The following YLPM1 variants were observed in gnomAD, a reference collection of about 807,000 sequenced individuals.
YLPM1 encodes the protein YLP motif-containing protein 1.
YLPM1 carries 99 observed loss-of-function variants against 230.0 expected under a neutral mutation model. That is an observed-to-expected ratio of 0.43 (90% CI 0.37 to 0.51). The LOEUF is 0.51. YLPM1 is among the 20% of genes least tolerant of loss of function. YLPM1 has a pLI of 0.00. For missense variants in YLPM1, 2,592 were observed against 2,707.7 expected (o/e 0.96, Z 0.95); for synonymous variants, 984 against 942.5 (o/e 1.04, Z -0.81).
intron 4 of YLPM1, among the ~76,000 whole-genome samples, chr14:74,784,544 C>G (rs1414249546): frequency 6.6e-6 from 1 of 152,218 alleles, no homozygotes; most frequent in Non-Finnish European, 1.5e-5. Context: ...GGACTTCTGA[C>G]CCACTTTAAG....
intron 1 of YLPM1, among the ~76,000 whole-genome samples, chr14:74,774,428 C>T (rs747640642): frequency 5.3e-5 from 8 of 151,490 alleles, no homozygotes; most frequent in Non-Finnish European, 8.8e-5. Flanking sequence ...TGTTTTGAGA[C>T]GGAGTCTCGC....
At chr14:74,814,640 G>C (rs2091462758) in intron 11 of YLPM1, among the ~76,000 whole-genome samples, 1 of 152,172 alleles carries the variant, frequency 6.6e-6, no homozygotes, top group South Asian at 2.1e-4. Context: ...TATGTTGCTG[G>C]ATTCAGCTTG....
chr14:74,833,662 T>C (rs1196652261), intron 19 of YLPM1, among the ~76,000 whole-genome samples: 1 of 152,218 alleles, frequency 6.6e-6, no homozygotes, highest in Non-Finnish European at 1.5e-5. Context: ...CTAAAGCCCA[T>C]GAAAGACATT....
At chr14:74,818,208 C>T (rs1204959936) in intron 15 of YLPM1, 23 bp from the exon 16 acceptor site, 13 of 1,573,822 alleles carry the variant, frequency 8.3e-6, no homozygotes, top group Admixed American at 1.8e-5. Flanking sequence ...AGAGATAACT[C>T]AACCATCTGA....
In YLPM1 at chr14:74,835,299, C is replaced by G; in HGVS notation, c.6329C>G (p.Ala2110Gly). 8.1e-6 allele frequency: 13 copies of G among 1,613,504 alleles called. No homozygotes were observed. Among genetic ancestry groups the G allele is most frequent in the Non-Finnish European group, 9.3e-6 (11 of 1,179,640 alleles). The change falls in exon 20 of 21, where the codon GCA becomes GGA. Residue 2110 changes from alanine to glycine, a missense_variant. By Grantham distance (60) the Ala-to-Gly change is moderately conservative. This residue lies in a region of YLPM1 where 315 missense variants were observed against 429.3 expected (regional missense o/e 0.73). Transcript: ENST00000325680. ...RWADLEEKKD[A>G]DRKRAIGFVV... The stretch of plus-strand genomic sequence containing the variant: ...GCAGACCTGGAAGAGAAGAAGGATG[C>G]AGATAGGAAAAGGGCCATAGGTTTT...
At position 74,782,006 on chromosome 14, in the gene YLPM1, T is replaced by A. The variant is rs139133029; in HGVS notation, c.1963T>A (p.Ser655Thr). The A allele has an allele frequency of 9.9e-6, 16 of 1,613,840 alleles. No homozygotes were observed. The African/African-American group carries it at 1.6e-4, about 16-fold the overall frequency. The change falls in exon 4 of 21, where the codon TCC (serine) becomes ACC (threonine). Residue 655 changes from serine to threonine, a missense_variant. Around this residue, in one of 4 missense-constraint regions of YLPM1, gnomAD observed 1,862 missense variants for 1,819.8 expected, o/e 1.02. Transcript: ENST00000325680. Reference protein sequence around the residue: ...QLTAAPVPPASSSQSSQVPEK... With the variant: ...QLTAAPVPPATSSQSSQVPEK... Reference sequence around the variant, plus strand: ...AACAGCAGCCCCAGTTCCACCAGCCTCCAGTTCACAGAGCTCGCAAGTTCC... The same window carrying A: ...AACAGCAGCCCCAGTTCCACCAGCCACCAGTTCACAGAGCTCGCAAGTTCC...
chr14:74,824,045 A>T, intron 17 of YLPM1: 1 of 544,336 alleles, frequency 1.8e-6, no homozygotes, highest in Non-Finnish European at 3.3e-6. Flanking sequence ...TTCTGAAGTG[A>T]CTACTCTGAA....
chr14:74,774,572 A>G (rs1353869986), intron 1 of YLPM1, among the ~76,000 whole-genome samples: 1 of 152,026 alleles, frequency 6.6e-6, no homozygotes, highest in Non-Finnish European at 1.5e-5. Context: ...TGCCAGGTTA[A>G]TTTTTTTATA....
At chr14:74,784,378 G>T (rs1330201925) in intron 4 of YLPM1, among the ~76,000 whole-genome samples, 1 of 152,146 alleles carries the variant, frequency 6.6e-6, no homozygotes, top group African/African-American at 2.4e-5. Flanking sequence ...ATTTCAGTTT[G>T]TCACAATGAG....
chr14:74,781,693 C>G lies in YLPM1; in HGVS notation c.1650C>G (p.Ala550=), dbSNP rs1341810041. The G allele has an allele frequency of 6.2e-7, 1 of 1,612,452 alleles. No individual in the cohort carries two copies. Among genetic ancestry groups the G allele is most frequent in the East Asian group, 2.2e-5 (1 of 44,812 alleles). Residue 550 remains alanine, a synonymous_variant, in exon 4 of 21, where the codon GCC becomes GCG. Coordinates refer to ENST00000325680, the MANE Select transcript of YLPM1 (RefSeq NM_019589.3). ...PSLPPPVMPP[A]LPATVPPPGM... is the part of the protein sequence containing the mutation. ...TGCCACCACCAGTGATGCCCCCTGC[C>G]CTCCCTGCTACAGTGCCACCACCTG...
At chr14:74,801,233 T>A (rs1207341543) in intron 5 of YLPM1, among the ~76,000 whole-genome samples, 1 of 152,226 alleles carries the variant, frequency 6.6e-6, no homozygotes. Flanking sequence ...GATAATGTCA[T>A]AGCCGAATAC....
Position 74,798,863 on chromosome 14 carries a change from C to T in YLPM1, c.3566C>T (p.Pro1189Leu). The change falls in exon 5 of 21, where the codon CCT (proline) becomes CTT (leucine). Residue 1189 changes from proline to leucine, a missense_variant. Pro to Leu is a moderately conservative substitution (Grantham distance 98). This residue lies in a region of YLPM1 where 1,862 missense variants were observed against 1,819.8 expected (regional missense o/e 1.02). Coordinates refer to ENST00000325680, the MANE Select transcript of YLPM1 (RefSeq NM_019589.3). ...KMYPYHRDEPPRAPWNHGEER... is the reference protein window; with the variant it reads ...KMYPYHRDEPLRAPWNHGEER... ...TATCCATATCACCGGGATGAGCCTC[C>T]TAGGGCTCCATGGAACCATGGAGAA... is the stretch of plus-strand genomic sequence containing the variant. 6.2e-7 allele frequency: 1 copy of T among 1,613,668 alleles called. No homozygotes were observed. Among genetic ancestry groups the T allele is most frequent in the South Asian group, 1.1e-5 (1 of 91,064 alleles).
chr14:74,816,948 T>C lies in YLPM1; in HGVS notation c.5703T>C (p.Tyr1901=). 2 of 1,580,390 alleles carry C rather than the reference T, an allele frequency of 1.3e-6. No individual in the cohort carries two copies. The highest frequency in any genetic ancestry group is 1.7e-6 in the Non-Finnish European group (2 of 1,167,926). Residue 1901 remains tyrosine (Y), a synonymous_variant, in exon 14 of 21, where the codon TAT becomes TAC. Coordinates refer to ENST00000325680, the MANE Select transcript of YLPM1 (RefSeq NM_019589.3). ...GACCTTAGGTAATGGAATATGAATATGAAGCTGAGATGGAGGAGACTTACC... is the reference window on the plus strand; with the variant it reads ...GACCTTAGGTAATGGAATATGAATACGAAGCTGAGATGGAGGAGACTTACC... ...KVKKKVMEYE[Y]EAEMEETYRT... is the part of the protein sequence containing the mutation.
intron 19 of YLPM1, among the ~76,000 whole-genome samples, chr14:74,833,749 A>T (rs1355592242): frequency 6.6e-6 from 1 of 152,126 alleles, no homozygotes; most frequent in Non-Finnish European, 1.5e-5. Context: ...CACTGCTATT[A>T]CTTTGGCTCC....
chr14:74,783,237 A>T (rs2091113422), intron 4 of YLPM1, among the ~76,000 whole-genome samples: 1 of 151,962 alleles, frequency 6.6e-6, no homozygotes, highest in Non-Finnish European at 1.5e-5. Context: ...GCCAGTTTTT[A>T]AAAAATACTT....
chr14:74,778,724 A>C (rs924351207), intron 2 of YLPM1, 41 bp downstream of exon 2: 5 of 1,495,582 alleles, frequency 3.3e-6, no homozygotes, highest in African/African-American at 2.8e-5. Flanking sequence ...TAAATTATTT[A>C]GCTTTTTTCT....
At chr14:74,816,403 G>C (rs1354556684) in intron 12 of YLPM1, 138 bp downstream of exon 12, 6 of 1,244,154 alleles carry the variant, frequency 4.8e-6, no homozygotes, top group Non-Finnish European at 6.7e-6. Flanking sequence ...CCATGTGGTA[G>C]ATGTTGTCCC....
chr14:74,789,739 C>T (rs1380168216), intron 4 of YLPM1, among the ~76,000 whole-genome samples: 1 of 151,728 alleles, frequency 6.6e-6, no homozygotes, highest in Non-Finnish European at 1.5e-5. Context: ...GCAGTCCTCC[C>T]ACATCAGCCT....
intron 1 of YLPM1, among the ~76,000 whole-genome samples, chr14:74,764,817 C>T (rs1417699727): frequency 6.6e-6 from 1 of 152,146 alleles, no homozygotes. Flanking sequence ...AAAAATATTA[C>T]TTAGGGGCCA....
Sources: gnomAD v4.1 joint callset for allele counts (sites outside exome capture counted in the v4.1 genomes callset) on GRCh38, gnomAD v4.1.1 for gene constraint, gnomAD v4.1.1 regional missense constraint, MANE v1.5 for transcripts, NCBI Gene and HGNC (gene_info 2026-07-23, HGNC 2026-07-21) for gene names.